Variants in CSMD1 observed in about 807,000 individuals in gnomAD.
The protein encoded by CSMD1 is CUB and Sushi multiple domains 1.
In CSMD1, 213 loss-of-function variants were observed where a neutral mutation model predicts 417.5. The observed-to-expected ratio is 0.51, with a 90% CI of 0.46 to 0.57. The LOEUF (loss-of-function observed/expected upper bound fraction) is 0.57, where lower values mean the gene tolerates loss of function less well. Among genes scored for constraint, CSMD1 ranks in the 20% least tolerant of loss-of-function variants. The probability of loss-of-function intolerance (pLI) is 0.00; values close to 1 mark genes in which losing one functional copy is unlikely to be tolerated. For synonymous variants in CSMD1, 2,862 were observed against 1,736.8 expected (o/e 1.65, Z -16.11); for missense variants, 6,923 against 4,529.7 (o/e 1.53, Z -15.17).
At chr8:3,947,817 T>A (rs1811337126) in intron 5 of CSMD1, among the ~76,000 whole-genome samples, 2 of 152,160 alleles carry the variant, frequency 1.3e-5, no homozygotes, top group Admixed American at 1.3e-4. Flanking sequence ...TTCATATGGT[T>A]CAAGTAGGTC....
At chr8:3,242,110 A>C (rs545564151) in intron 26 of CSMD1, among the ~76,000 whole-genome samples, 3 of 150,972 alleles carry the variant, frequency 2.0e-5, no homozygotes, top group Non-Finnish European at 4.4e-5. Context: ...AAGGAGCATT[A>C]ACCTTGACTA....
rs115867464 is a variant in CSMD1 at position 4,219,669 on chromosome 8, G to C, written c.416-187570C>G. Among the ~76,000 whole-genome samples, 782 of 152,282 alleles carry C rather than the reference G, an allele frequency of 5.1e-3. 5 individuals carry two copies. Among genetic ancestry groups the C allele is most frequent in the African/African-American group, 0.017 (700 of 41,568 alleles). On this transcript the variant is annotated intron_variant, in intron 3 of 69. Coordinates refer to ENST00000635120, the MANE Select transcript of CSMD1 (RefSeq NM_033225.6). ...CACTAATGAAGAGTGAGATCATTTG[G>C]ATAATACTGCTACACAAGTCAAGAG...
chr8:3,713,886 A>G (rs753175681), intron 6 of CSMD1, among the ~76,000 whole-genome samples: 2 of 152,122 alleles, frequency 1.3e-5, no homozygotes, highest in Non-Finnish European at 2.9e-5. Flanking sequence ...ATTAACTTGC[A>G]TGTTTACTGT....
intron 26 of CSMD1, among the ~76,000 whole-genome samples, chr8:3,231,234 A>AT (rs1798816396): frequency 6.6e-6 from 1 of 152,132 alleles, no homozygotes; most frequent in Admixed American, 6.5e-5. Context: ...CAAAGCTTAG[A>AT]TTTTTTCTCA....
intron 3 of CSMD1, among the ~76,000 whole-genome samples, chr8:4,324,599 C>T (rs750694165): frequency 1.3e-5 from 2 of 152,200 alleles, no homozygotes; most frequent in Non-Finnish European, 1.5e-5. Context: ...AGGAACAAGA[C>T]AGGTCAGTGG....
chr8:3,647,326 G>C (rs1272006970), intron 7 of CSMD1, among the ~76,000 whole-genome samples: 1 of 152,184 alleles, frequency 6.6e-6, no homozygotes, highest in African/African-American at 2.4e-5. Flanking sequence ...CCTTGGCCAG[G>C]AGAGAGGTAA....
At chr8:3,264,753 A>T (rs1253681840) in intron 26 of CSMD1, among the ~76,000 whole-genome samples, 8 of 152,180 alleles carry the variant, frequency 5.3e-5, no homozygotes, top group Non-Finnish European at 2.9e-5. Context: ...TACATGATTA[A>T]GGGTACATAG....
intron 26 of CSMD1, among the ~76,000 whole-genome samples, chr8:3,240,473 C>T (rs183395993): frequency 5.3e-5 from 8 of 151,732 alleles, no homozygotes; most frequent in African/African-American, 1.2e-4. Context: ...CAGCTGAACA[C>T]GATTGGCAGG....
intron 3 of CSMD1, among the ~76,000 whole-genome samples, chr8:4,123,331 A>G (rs1417752074): frequency 6.6e-6 from 1 of 152,238 alleles, no homozygotes; most frequent in Non-Finnish European, 1.5e-5. Flanking sequence ...ATGCATGCCA[A>G]TTAGTAGGCT....
At chr8:3,253,143 C>T (rs992415617) in intron 26 of CSMD1, among the ~76,000 whole-genome samples, 2 of 151,966 alleles carry the variant, frequency 1.3e-5, no homozygotes, top group African/African-American at 2.4e-5. Context: ...TTAGATCTTT[C>T]CTGCTTTCTC....
chr8:4,855,060 G>T (rs1419949813), intron 1 of CSMD1, among the ~76,000 whole-genome samples: 2 of 152,120 alleles, frequency 1.3e-5, no homozygotes, highest in African/African-American at 2.4e-5. Flanking sequence ...CAAGCAGCTG[G>T]AGATCTGAGA....
At chr8:4,568,930 T>C (rs1040266589) in intron 2 of CSMD1, among the ~76,000 whole-genome samples, 7 of 152,222 alleles carry the variant, frequency 4.6e-5, no homozygotes, top group African/African-American at 1.7e-4. Context: ...TTTTGAGAAG[T>C]GTCTGTTCAT....
intron 1 of CSMD1, among the ~76,000 whole-genome samples, chr8:4,724,284 T>A (rs1809263460): frequency 6.6e-6 from 1 of 152,108 alleles, no homozygotes; most frequent in Non-Finnish European, 1.5e-5. Context: ...ATAAGCTATG[T>A]CAAATTGTGT....
At chr8:4,743,183 C>G (rs1480444000) in intron 1 of CSMD1, among the ~76,000 whole-genome samples, 2 of 152,066 alleles carry the variant, frequency 1.3e-5, no homozygotes, top group African/African-American at 4.8e-5. Context: ...TAATCTATTT[C>G]AAGAAAAATA....
At chr8:4,244,583 C>T (rs547325708) in intron 3 of CSMD1, among the ~76,000 whole-genome samples, 1 of 151,654 alleles carries the variant, frequency 6.6e-6, no homozygotes, top group African/African-American at 2.4e-5. Context: ...TAAATATCAA[C>T]TATTGTAGAT....
intron 3 of CSMD1, among the ~76,000 whole-genome samples, chr8:4,304,056 C>CA (rs1445438794): frequency 1.1e-4 from 17 of 152,142 alleles, no homozygotes; most frequent in African/African-American, 3.9e-4. Context: ...ACCAGGGGAT[C>CA]ACAAAGCCTC....
chr8:4,320,171 A>G (rs1799186700), intron 3 of CSMD1, among the ~76,000 whole-genome samples: 2 of 152,220 alleles, frequency 1.3e-5, no homozygotes, highest in South Asian at 4.1e-4. Flanking sequence ...AGAAATGCAA[A>G]AATATCCAGC....
At chr8:4,171,887 G>A (rs938614533) in intron 3 of CSMD1, among the ~76,000 whole-genome samples, 2 of 152,072 alleles carry the variant, frequency 1.3e-5, no homozygotes, top group Admixed American at 1.3e-4. Context: ...ATACTTGAAT[G>A]CAATTGTCTG....
chr8:3,382,736 A>C (rs1258059395), intron 18 of CSMD1, among the ~76,000 whole-genome samples: 1 of 151,334 alleles, frequency 6.6e-6, no homozygotes, highest in Admixed American at 6.6e-5. Flanking sequence ...CCAGTAGCAG[A>C]GTATGATTAT....
Sources: allele counts gnomAD v4.1 joint callset (sites outside exome capture counted in the v4.1 genomes callset), GRCh38; gene constraint gnomAD v4.1.1; transcripts MANE v1.5; gene names NCBI Gene and HGNC (gene_info 2026-07-23, HGNC 2026-07-21).